POFUT1: variants seen among roughly 807,000 people sequenced by gnomAD.
POFUT1 encodes GDP-fucose protein O-fucosyltransferase 1.
POFUT1 carries 16 observed loss-of-function variants against 42.4 expected under a neutral mutation model. That is an observed-to-expected ratio of 0.38 (90% CI 0.26 to 0.57). The LOEUF is 0.57. Among genes scored for constraint, POFUT1 ranks in the 20% least tolerant of loss-of-function variants. POFUT1 has a pLI of 0.71. For synonymous variants in POFUT1, 206 were observed against 205.4 expected (o/e 1.00, Z -0.03); for missense variants, 470 against 504.6 (o/e 0.93, Z 0.66).
At position 32,217,048 on chromosome 20, in the gene POFUT1, T is replaced by G. The variant is rs200556178; in HGVS notation, c.542+327T>G. The G allele has an allele frequency of 4.3e-6, 7 of 1,613,924 alleles. No individual in the cohort carries two copies. In the African/African-American group the frequency reaches 9.3e-5, roughly 22 times the overall value. On this transcript the variant is annotated intron_variant, in intron 4 of 6. Transcript: ENST00000375749. ...CTGTGTTACCTTACTCTTCCCAAGG[T>G]GAAACTGGAAGCAGCTTCTAGAGAA...
intron 1 of POFUT1, among the ~76,000 whole-genome samples, chr20:32,208,613 A>C (rs925683121): frequency 8.3e-5 from 12 of 145,400 alleles, no homozygotes; most frequent in Non-Finnish European, 8.9e-5. Context: ...CAGGAGCTCG[A>C]GATCAGCCTA....
Position 32,210,136 on chromosome 20 carries a change from A to G in POFUT1, c.190A>G (p.Thr64Ala). 6.2e-7 allele frequency: 1 copy of G among 1,614,052 alleles called. No homozygotes were observed. Among genetic ancestry groups the G allele is most frequent in the Non-Finnish European group, 8.5e-7 (1 of 1,179,956 alleles). The change falls in exon 2 of 7, where the codon ACC becomes GCC. Residue 64 changes from threonine to alanine, a missense_variant. Coordinates refer to ENST00000375749, the MANE Select transcript of POFUT1 (RefSeq NM_015352.2). The stretch of plus-strand genomic sequence containing the variant: ...GGCATTTGCAAAGCTGCTAAACCGT[A>G]CCTTGGCTGTCCCTCCTTGGATTGA... Reference protein sequence around the residue: ...SLAFAKLLNRTLAVPPWIEYQ... With the variant: ...SLAFAKLLNRALAVPPWIEYQ...
At chr20:32,209,929 C>A in intron 1 of POFUT1, 142 bp from the exon 2 acceptor site, 1 of 843,202 alleles carries the variant, frequency 1.2e-6, no homozygotes, top group Non-Finnish European at 1.9e-6. Flanking sequence ...AGAGTCCAGA[C>A]TTGTTCTTAT....
At position 32,234,477 on chromosome 20, in the gene POFUT1, A is replaced by G; in HGVS notation, c.983A>G (p.Lys328Arg). The change falls in exon 7 of 7, where the codon AAG (lysine) becomes AGG (arginine). Residue 328 changes from lysine to arginine, a missense_variant. Lys to Arg is a conservative substitution (Grantham distance 26). Transcript: ENST00000375749. ...ELQQLFKGKV[K>R]VVSLKPEVAQ... ...GCTCTGTGCTTCTTCCTGCAGGTGA[A>G]GGTGGTGAGCCTGAAGCCTGAGGTG... 1.2e-6 allele frequency: 2 copies of G among 1,603,386 alleles called. No homozygotes were observed. Among genetic ancestry groups the G allele is most frequent in the Non-Finnish European group, 1.7e-6 (2 of 1,174,550 alleles).
intron 4 of POFUT1, chr20:32,217,176 C>T (rs1322558722): frequency 2.0e-6 from 3 of 1,482,380 alleles, no homozygotes; most frequent in South Asian, 1.3e-5. Flanking sequence ...TATAGGTTAG[C>T]AGGACGTGGG....
chr20:32,222,994 C>T, intron 4 of POFUT1: 1 of 985,246 alleles, frequency 1.0e-6, no homozygotes, highest in Non-Finnish European at 1.2e-6. Flanking sequence ...AGAACAAAGC[C>T]CTGCCTTGTT....
chr20:32,217,005 T>G lies in POFUT1; in HGVS notation c.542+284T>G, dbSNP rs372596743. On this transcript the variant is annotated intron_variant, in intron 4 of 6. Coordinates refer to ENST00000375749, the MANE Select transcript of POFUT1 (RefSeq NM_015352.2). ...TCGCATGAGTCTCAATTTCCTCCTC[T>G]AGGCGTGAGAATCACTCCTGTGTTA... 39 of 1,613,784 alleles carry G rather than the reference T, an allele frequency of 2.4e-5. No individual in the cohort carries two copies. In the African/African-American group the frequency reaches 4.7e-4, roughly 19 times the overall value.
In POFUT1 at chr20:32,228,129, G is replaced by A. The variant is rs551162151; in HGVS notation, c.543-134G>A. 123 of 606,204 alleles carry A rather than the reference G, an allele frequency of 2.0e-4. 1 individual carries two copies. In the South Asian group the frequency reaches 3.1e-3, roughly 15 times the overall value. 37.6% of individuals were successfully genotyped at this position (606,204 alleles called of 1,614,324 possible). ...GCCCGTTGGTATTTCACAACCTCTC[G>A]TGTTTCTTGCGTGTTGCAGGGGCCC... On this transcript the variant is annotated intron_variant, in intron 4 of 6. Coordinates refer to ENST00000375749, the MANE Select transcript of POFUT1 (RefSeq NM_015352.2).
intron 4 of POFUT1, chr20:32,223,826 G>A: frequency 1.9e-5 from 6 of 309,712 alleles, no homozygotes; most frequent in Non-Finnish European, 2.8e-5. Context: ...TGGGGGAGAT[G>A]GGAGTAAGGG....
intron 2 of POFUT1, 113 bp downstream of exon 2, chr20:32,210,305 A>G (rs1047564059): frequency 2.2e-5 from 23 of 1,057,612 alleles, no homozygotes; most frequent in Admixed American, 5.2e-5. Flanking sequence ...AGATTTCCCT[A>G]CCTCCAGCCA....
intron 5 of POFUT1, among the ~76,000 whole-genome samples, chr20:32,229,480 G>C (rs767367966): frequency 2.6e-5 from 4 of 152,152 alleles, no homozygotes; most frequent in Non-Finnish European, 5.9e-5. Flanking sequence ...GTCACCACCT[G>C]TTCATGATAA....
intron 6 of POFUT1, 171 bp downstream of exon 6, chr20:32,231,232 G>A (rs187915686): frequency 4.0e-4 from 266 of 671,770 alleles, no homozygotes; most frequent in Non-Finnish European, 1.5e-4. Flanking sequence ...GGCCTCCTCC[G>A]TAGTCTTTCC....
chr20:32,209,343 C>G (rs1342097653), intron 1 of POFUT1, among the ~76,000 whole-genome samples: 1 of 152,244 alleles, frequency 6.6e-6, no homozygotes, highest in Non-Finnish European at 1.5e-5. Context: ...TCATCTCTTT[C>G]TGGCAATTAT....
intron 1 of POFUT1, among the ~76,000 whole-genome samples, chr20:32,209,443 A>G (rs2047314664): frequency 6.6e-6 from 1 of 152,184 alleles, no homozygotes; most frequent in Admixed American, 6.5e-5. Context: ...CTTCTTGTTC[A>G]TTCCTGTATC....
chr20:32,231,831 CTT>C (rs1042248395), intron 6 of POFUT1, among the ~76,000 whole-genome samples: 6 of 152,290 alleles, frequency 3.9e-5, no homozygotes, highest in Non-Finnish European at 8.8e-5. Context: ...AGGAAAGGAT[CTT>C]TGTGCTTAGC....
intron 1 of POFUT1, among the ~76,000 whole-genome samples, chr20:32,208,822 T>TGA (rs2047310133): frequency 6.6e-6 from 1 of 152,002 alleles, no homozygotes; most frequent in African/African-American, 2.4e-5. Context: ...GGTGACAGAG[T>TGA]GAGACCCTGT....
chr20:32,216,514 C>A, intron 3 of POFUT1, 95 bp from the exon 4 acceptor site: 1 of 749,106 alleles, frequency 1.3e-6, no homozygotes. Flanking sequence ...GCCTGAGTCA[C>A]ATCACCCAGC....
intron 6 of POFUT1, among the ~76,000 whole-genome samples, chr20:32,233,353 G>A (rs1254589648): frequency 6.6e-6 from 1 of 152,174 alleles, no homozygotes; most frequent in Admixed American, 6.5e-5. Flanking sequence ...CCAGGTAAAG[G>A]GAGGTACACC....
At chr20:32,221,786 TCCTC>T (rs1196422490) in intron 4 of POFUT1, among the ~76,000 whole-genome samples, 1 of 152,018 alleles carries the variant, frequency 6.6e-6, no homozygotes, top group African/African-American at 2.4e-5. Context: ...GCTCAATTCT[TCCTC>T]CCTATTGCCT....
Sources: allele counts gnomAD v4.1 joint callset (sites outside exome capture counted in the v4.1 genomes callset), GRCh38; gene constraint gnomAD v4.1.1; transcripts MANE v1.5; gene names NCBI Gene and HGNC (gene_info 2026-07-23, HGNC 2026-07-21).